ANKRD44: variants seen among roughly 807,000 people sequenced by gnomAD.
ANKRD44 encodes the protein serine/threonine-protein phosphatase 6 regulatory ankyrin repeat subunit B.
In ANKRD44, 35 loss-of-function variants were observed where a neutral mutation model predicts 116.0. That is an observed-to-expected ratio of 0.30 (90% CI 0.23 to 0.40). The LOEUF (loss-of-function observed/expected upper bound fraction) is 0.40. Among genes scored for constraint, ANKRD44 ranks in the 10% least tolerant of loss-of-function variants. The probability of loss-of-function intolerance (pLI) is 1.00; values close to 1 mark genes in which losing one functional copy is unlikely to be tolerated. For synonymous variants in ANKRD44, 435 were observed against 461.8 expected, an observed-to-expected ratio of 0.94 and a Z score of 0.74; for missense variants, 1,014 against 1,242.6, an observed-to-expected ratio of 0.82 and a Z score of 2.77.
intron 21 of ANKRD44, among the ~76,000 whole-genome samples, chr2:197,005,266 A>C (rs2076181900): frequency 6.6e-6 from 1 of 152,196 alleles, no homozygotes; most frequent in Non-Finnish European, 1.5e-5. Flanking sequence ...GGAATATGAA[A>C]CACAACAAAC....
intron 1 of ANKRD44, among the ~76,000 whole-genome samples, chr2:197,281,295 A>G (rs1266787896): frequency 1.3e-5 from 2 of 152,130 alleles, no homozygotes; most frequent in African/African-American, 4.8e-5. Flanking sequence ...TCAATATTGT[A>G]AATTCCATTA....
intron 16 of ANKRD44, among the ~76,000 whole-genome samples, chr2:197,070,979 G>T (rs571545322): frequency 1.6e-3 from 237 of 152,218 alleles, no homozygotes; most frequent in Admixed American, 2.6e-3. Flanking sequence ...TTCAATGAAT[G>T]AGTCTATTTT....
chr2:197,273,981 ATATATATATATATATATATATATATATAT>A (rs2082991782), intron 1 of ANKRD44, among the ~76,000 whole-genome samples: 8 of 23,982 alleles, frequency 3.3e-4, no homozygotes, highest in African/African-American at 1.6e-3. Context: ...AAAAAAAAAA[ATATATATATATATATATATATATATATAT>A]ATATATATAT....
intron 22 of ANKRD44, 73 bp downstream of exon 22, chr2:197,001,680 C>A: frequency 8.2e-7 from 1 of 1,213,302 alleles, no homozygotes; most frequent in South Asian, 1.4e-5. Flanking sequence ...ACTTTTTTCC[C>A]TACAAAGCAA....
Position 197,023,062 on chromosome 2 carries a change from T to C in ANKRD44, c.1722+2134A>G, listed in dbSNP as rs138991748. 1.5e-4 allele frequency among the ~76,000 whole-genome samples: 23 copies of C among 152,338 alleles called. No homozygotes were observed. The East Asian group carries it at 4.4e-3, about 29-fold the overall frequency. On this transcript the variant is annotated intron_variant, in intron 17 of 27. Transcript: ENST00000282272. ...AGTGCTTGGCACTATTCACAGTCAG[T>C]GTATGTTGGATGAAAGGATGATGTT...
intron 2 of ANKRD44, among the ~76,000 whole-genome samples, chr2:197,177,927 T>G (rs1046310779): frequency 6.6e-6 from 1 of 152,238 alleles, no homozygotes; most frequent in African/African-American, 2.4e-5. Context: ...ATGTGGATGT[T>G]CTGCAATAAA....
intron 16 of ANKRD44, among the ~76,000 whole-genome samples, chr2:197,064,736 T>C (rs1488447148): frequency 6.6e-6 from 1 of 152,118 alleles, no homozygotes; most frequent in Non-Finnish European, 1.5e-5. Context: ...AGGGATCAAT[T>C]CAACAAGAAG....
At position 196,993,595 on chromosome 2, in the gene ANKRD44, C is replaced by T. The variant is rs1269451281; in HGVS notation, c.2911G>A (p.Val971Ile). The change falls in exon 27 of 28, where the codon GTA becomes ATA. Residue 971 changes from valine (V) to isoleucine (I), a missense_variant. Physicochemically the swap from Val to Ile is conservative, Grantham distance 29. Transcript: ENST00000282272. ...LLAKGACVLAVDENASRSNGP... is the reference protein window; with the variant it reads ...LLAKGACVLAIDENASRSNGP... ...TTTTTCCACTTACCATTTTCATCTACAGCAAGTACACAGGCCCCTTTGGCC... is the reference window on the plus strand; with the variant it reads ...TTTTTCCACTTACCATTTTCATCTATAGCAAGTACACAGGCCCCTTTGGCC... 3.2e-6 allele frequency: 5 copies of T among 1,550,314 alleles called. No homozygotes were observed. In the South Asian group the frequency reaches 5.9e-5, roughly 18 times the overall value.
At position 196,987,781 on chromosome 2, in the gene ANKRD44, TAC is replaced by T; in HGVS notation, c.*1808_*1809del. On this transcript the variant is annotated 3_prime_UTR_variant, in exon 28 of 28. Transcript: ENST00000282272. ...ATGATCCTTGTAGTTGTGGTTAAAA[TAC>T]AGTCTAAAAATAACACAAATAAAAG... is the stretch of plus-strand genomic sequence containing the variant. 1 of 985,354 alleles carries T rather than the reference TAC, an allele frequency of 1.0e-6. No individual in the cohort carries two copies. The highest frequency in any genetic ancestry group is 1.2e-6 in the Non-Finnish European group (1 of 829,906). 61.0% of individuals were successfully genotyped at this position (985,354 alleles called of 1,614,324 possible). A position where few individuals can be genotyped will look rare whatever the true frequency, so the allele number is the denominator to read the frequency against.
intron 1 of ANKRD44, among the ~76,000 whole-genome samples, chr2:197,288,466 T>C (rs924853421): frequency 7.9e-5 from 12 of 152,200 alleles, no homozygotes; most frequent in Non-Finnish European, 2.9e-5. Flanking sequence ...CTATATGACC[T>C]AGCAATCCCA....
At position 197,053,246 on chromosome 2, in the gene ANKRD44, G is replaced by A. The variant is rs141063510; in HGVS notation, c.1650+25457C>T. The stretch of plus-strand genomic sequence containing the variant: ...CACACCCACACCCACATCCATTTGC[G>A]TACACAAGAAAAAAGACTGTGAGAA... On this transcript the variant is annotated intron_variant, in intron 16 of 27. Transcript: ENST00000282272. 1.5e-3 allele frequency among the ~76,000 whole-genome samples: 226 copies of A among 152,150 alleles called. 1 individual carries two copies. Among genetic ancestry groups the A allele is most frequent in the African/African-American group, 5.0e-3 (209 of 41,508 alleles).
chr2:196,991,495 T>C (rs1228332717), intron 27 of ANKRD44, among the ~76,000 whole-genome samples: 1 of 152,218 alleles, frequency 6.6e-6, no homozygotes, highest in African/African-American at 2.4e-5. Flanking sequence ...TAACTGGTTT[T>C]AGAAAAATGG....
At chr2:197,130,075 A>T (rs541515132) in intron 4 of ANKRD44, among the ~76,000 whole-genome samples, 23 of 152,320 alleles carry the variant, frequency 1.5e-4, no homozygotes, top group African/African-American at 5.3e-4. Flanking sequence ...TGTAAGTGTT[A>T]ATTTTACATT....
intron 2 of ANKRD44, among the ~76,000 whole-genome samples, chr2:197,183,947 C>T (rs1574223328): frequency 3.3e-5 from 5 of 152,332 alleles, no homozygotes; most frequent in African/African-American, 1.2e-4. Flanking sequence ...GATTAACCTT[C>T]TCCCTACATA....
intron 1 of ANKRD44, among the ~76,000 whole-genome samples, chr2:197,234,597 A>G (rs2081940197): frequency 6.6e-6 from 1 of 152,196 alleles, no homozygotes; most frequent in African/African-American, 2.4e-5. Context: ...TCCATGTTGT[A>G]CATGCCCATC....
At chr2:196,984,273 A>G (rs2075822037), downstream of ANKRD44, among the ~76,000 whole-genome samples, 1 of 152,080 alleles carries the variant, frequency 6.6e-6, no homozygotes, top group African/African-American at 2.4e-5. Flanking sequence ...GGAACTATAA[A>G]TACTCTAGTA....
In ANKRD44 at chr2:197,095,678, C is replaced by T. The variant is rs370427451; in HGVS notation, c.1100+4138G>A. Among the ~76,000 whole-genome samples, 11 of 152,276 alleles carry T rather than the reference C, an allele frequency of 7.2e-5. No homozygotes were observed. In the East Asian group the frequency reaches 2.1e-3, roughly 29 times the overall value. On this transcript the variant is annotated intron_variant, in intron 10 of 27. Transcript: ENST00000282272. ...GACTGAAGATGAGTCCCATTTCTAT[C>T]CCTTACTGGCTTTGTGACTTTGAGC...
chr2:197,122,836 A>G (rs561335927), intron 6 of ANKRD44, 44 bp from the exon 7 acceptor site: 14 of 1,589,460 alleles, frequency 8.8e-6, no homozygotes, highest in Non-Finnish European at 1.1e-5. Context: ...CCTTTATAGG[A>G]CAATTTGCTG....
chr2:197,023,870 C>G (rs1186854243), intron 17 of ANKRD44, among the ~76,000 whole-genome samples: 1 of 152,182 alleles, frequency 6.6e-6, no homozygotes, highest in African/African-American at 2.4e-5. Context: ...ACTATTCATC[C>G]ACATTTTCCA....
Sources: gnomAD v4.1 joint callset for allele counts (sites outside exome capture counted in the v4.1 genomes callset) on GRCh38, gnomAD v4.1.1 for gene constraint, MANE v1.5 for transcripts, NCBI Gene and HGNC (gene_info 2026-07-23, HGNC 2026-07-21) for gene names.